Variants in WWOX observed in about 807,000 individuals in gnomAD.
WWOX encodes the protein WW domain containing oxidoreductase.
A neutral mutation model predicts 46.2 loss-of-function variants in WWOX; 69 were observed. The ratio of observed to expected loss-of-function variants is 1.49; its 90% CI spans 1.23 to 1.82. WWOX has a LOEUF of 1.82. WWOX is among the 40% of genes most tolerant of loss of function. The pLI, the probability that WWOX is intolerant of heterozygous loss-of-function variation, is 0.00. For synonymous variants in WWOX, 359 were observed against 202.6 expected (o/e 1.77, Z -6.56); for missense variants, 919 against 542.6 (o/e 1.69, Z -6.89).
intron 8 of WWOX, among the ~76,000 whole-genome samples, chr16:78,779,513 T>G (rs939898251): frequency 6.6e-6 from 1 of 152,142 alleles, no homozygotes; most frequent in African/African-American, 2.4e-5. Flanking sequence ...TTGCTGACAT[T>G]ATTAGTTGCT....
intron 5 of WWOX, among the ~76,000 whole-genome samples, chr16:78,368,881 A>C (rs984891928): frequency 2.0e-5 from 3 of 152,174 alleles, no homozygotes; most frequent in Admixed American, 6.5e-5. Flanking sequence ...GTGTGCACTG[A>C]CAGAATGGTA....
At chr16:79,193,098 G>T (rs1004004617) in intron 8 of WWOX, among the ~76,000 whole-genome samples, 2 of 152,200 alleles carry the variant, frequency 1.3e-5, no homozygotes, top group Non-Finnish European at 2.9e-5. Context: ...CAGGGGCAAG[G>T]CCAGCACTTT....
intron 8 of WWOX, among the ~76,000 whole-genome samples, chr16:78,732,432 A>T (rs2048991516): frequency 6.6e-6 from 1 of 152,320 alleles, no homozygotes; most frequent in East Asian, 1.9e-4. Context: ...ATAGGAAGCC[A>T]ACAACTGAGC....
Position 78,649,515 on chromosome 16 carries a change from G to A in WWOX, c.1056+216763G>A, listed in dbSNP as rs1110520. Among the ~76,000 whole-genome samples the A allele has an allele frequency of 4.4e-3, 667 of 152,048 alleles. 5 individuals carry two copies. The highest frequency in any genetic ancestry group is 7.6e-3 in the Non-Finnish European group (519 of 67,990). ...TGGTGTTGAACTCCTGGCCTCAAGCGATCCTCCTGCCTCGGCCTCCCAAAG... is the reference window on the plus strand; with the variant it reads ...TGGTGTTGAACTCCTGGCCTCAAGCAATCCTCCTGCCTCGGCCTCCCAAAG... On this transcript the variant is annotated intron_variant, in intron 8 of 8. Coordinates refer to ENST00000566780, the MANE Select transcript of WWOX (RefSeq NM_016373.4).
intron 8 of WWOX, among the ~76,000 whole-genome samples, chr16:78,888,715 A>C (rs936985858): frequency 3.3e-5 from 5 of 152,182 alleles, no homozygotes; most frequent in African/African-American, 1.2e-4. Flanking sequence ...TCATCTCTAG[A>C]CACAGACTAG....
At chr16:79,066,305 C>T (rs2048440287) in intron 8 of WWOX, among the ~76,000 whole-genome samples, 2 of 152,190 alleles carry the variant, frequency 1.3e-5, no homozygotes, top group Non-Finnish European at 2.9e-5. Flanking sequence ...ACACTGAGCA[C>T]AGGCAGTACC....
rs1404890178 is a variant in WWOX, at chr16:78,785,743, C to G, written c.1056+352991C>G. 3.3e-5 allele frequency among the ~76,000 whole-genome samples: 5 copies of G among 152,170 alleles called. No homozygotes were observed. In the East Asian group the frequency reaches 5.8e-4, roughly 18 times the overall value. ...TTTTCATTTTTATTAAGAAGTAAGG[C>G]AAAAACAAAATAAGACATATGTCAG... is the stretch of plus-strand genomic sequence containing the variant. On this transcript the variant is annotated intron_variant, in intron 8 of 8. Coordinates refer to ENST00000566780, the MANE Select transcript of WWOX (RefSeq NM_016373.4).
intron 8 of WWOX, among the ~76,000 whole-genome samples, chr16:78,679,517 C>T (rs1427374895): frequency 6.6e-6 from 1 of 152,082 alleles, no homozygotes; most frequent in Non-Finnish European, 1.5e-5. Context: ...CACCACTGCA[C>T]TCCAGCCTGG....
intron 8 of WWOX, among the ~76,000 whole-genome samples, chr16:78,994,969 C>T (rs74715251): frequency 7.3e-4 from 84 of 114,620 alleles, no homozygotes; most frequent in African/African-American, 2.3e-3. Context: ...TCTTCTTCTT[C>T]TTTTTTTTTT....
intron 8 of WWOX, among the ~76,000 whole-genome samples, chr16:78,731,078 T>G (rs1157511513): frequency 6.6e-6 from 1 of 152,204 alleles, no homozygotes; most frequent in Non-Finnish European, 1.5e-5. Context: ...TGATTTTATT[T>G]GATGTCATGG....
intron 5 of WWOX, among the ~76,000 whole-genome samples, chr16:78,381,504 C>T (rs990018589): frequency 1.3e-5 from 2 of 152,138 alleles, no homozygotes; most frequent in African/African-American, 2.4e-5. Flanking sequence ...ATAGAAGTTG[C>T]CTGATGCTTC....
At chr16:79,076,729 C>T (rs182388421) in intron 8 of WWOX, among the ~76,000 whole-genome samples, 5 of 152,292 alleles carry the variant, frequency 3.3e-5, no homozygotes, top group East Asian at 1.9e-4. Context: ...TGACTGTGGT[C>T]GGGTTATTGG....
chr16:78,234,811 A>AC (rs1555506972), intron 5 of WWOX, among the ~76,000 whole-genome samples: 20 of 151,472 alleles, frequency 1.3e-4, no homozygotes, highest in Admixed American at 2.0e-4. Context: ...ACAAAAAAAA[A>AC]CCCACACAGG....
intron 8 of WWOX, among the ~76,000 whole-genome samples, chr16:78,905,374 A>G (rs1367552711): frequency 6.6e-6 from 1 of 152,138 alleles, no homozygotes; most frequent in Non-Finnish European, 1.5e-5. Flanking sequence ...GGACGCTTGG[A>G]AGAATTCTTA....
At chr16:78,726,508 A>G (rs1231427962) in intron 8 of WWOX, among the ~76,000 whole-genome samples, 2 of 152,150 alleles carry the variant, frequency 1.3e-5, no homozygotes, top group African/African-American at 4.8e-5. Context: ...TGTTAAGATT[A>G]CAGGCATGAA....
intron 8 of WWOX, among the ~76,000 whole-genome samples, chr16:78,627,098 C>A (rs2046328259): frequency 6.6e-6 from 1 of 152,112 alleles, no homozygotes. Flanking sequence ...GGAATCTCAG[C>A]CATATTCTTC....
intron 8 of WWOX, among the ~76,000 whole-genome samples, chr16:78,953,663 C>G (rs558634916): frequency 4.6e-5 from 7 of 152,294 alleles, no homozygotes; most frequent in African/African-American, 1.7e-4. Flanking sequence ...AGGTCCACCT[C>G]TGTGCCAAGC....
intron 8 of WWOX, among the ~76,000 whole-genome samples, chr16:78,739,705 A>G (rs8048935): frequency 0.15 from 22,802 of 152,056 alleles, 2,104 homozygotes; most frequent in African/African-American, 0.25. Flanking sequence ...CAGCTACTGC[A>G]GAGGCTGAGG....
intron 5 of WWOX, among the ~76,000 whole-genome samples, chr16:78,379,413 C>T (rs886139834): frequency 3.9e-5 from 6 of 152,148 alleles, no homozygotes; most frequent in South Asian, 2.1e-4. Flanking sequence ...ATGGAGGCCA[C>T]GTTCAACACA....
Sources: gnomAD v4.1 joint callset for allele counts (sites outside exome capture counted in the v4.1 genomes callset) on GRCh38, gnomAD v4.1.1 for gene constraint, MANE v1.5 for transcripts, NCBI Gene and HGNC (gene_info 2026-07-23, HGNC 2026-07-21) for gene names.